ZMYM2: variants seen among roughly 807,000 people sequenced by gnomAD.
The protein encoded by ZMYM2 is zinc finger MYM-type containing 2.
In ZMYM2, 56 loss-of-function variants were observed where a neutral mutation model predicts 162.8. The observed-to-expected ratio is 0.34, with a 90% CI of 0.28 to 0.43. The LOEUF (loss-of-function observed/expected upper bound fraction) is 0.43. Ranked by LOEUF, ZMYM2 falls within the 20% of genes least tolerant of loss-of-function variation. ZMYM2 has a pLI of 1.00. For missense variants in ZMYM2, 1,275 were observed against 1,621.8 expected (o/e 0.79, Z 3.67); for synonymous variants, 510 against 541.6 (o/e 0.94, Z 0.81).
chr13:20,063,048 G>C, intron 18 of ZMYM2, 77 bp downstream of exon 18: 1 of 1,441,240 alleles, frequency 6.9e-7, no homozygotes. Context: ...TTTGATGTTT[G>C]TGTCATTGCC....
intron 2 of ZMYM2, among the ~76,000 whole-genome samples, chr13:19,992,775 G>C (rs1220302714): frequency 6.6e-6 from 1 of 151,756 alleles, no homozygotes; most frequent in Admixed American, 6.6e-5. Flanking sequence ...AGGAGGTGGT[G>C]GTGGTGGTAG....
At chr13:19,875,031 A>G in the ZMYM2 span, among the ~76,000 whole-genome samples, 1 of 152,246 alleles carries the variant, frequency 6.6e-6, no homozygotes, top group African/African-American at 2.4e-5. Flanking sequence ...AACTAAAAAT[A>G]GAATTGCCAC....
At chr13:19,904,077 C>T in the ZMYM2 span, among the ~76,000 whole-genome samples, 4 of 152,004 alleles carry the variant, frequency 2.6e-5, no homozygotes, top group African/African-American at 7.2e-5. Context: ...TTTGCCTTCC[C>T]ATTAAAAAGG....
At chr13:19,885,965 GTATACACATA>G in the ZMYM2 span, among the ~76,000 whole-genome samples, 2 of 91,290 alleles carry the variant, frequency 2.2e-5, 1 homozygote, top group African/African-American at 9.5e-5. Flanking sequence ...ATATATATGT[GTATACACATA>G]TATATGTATA....
chr13:20,066,786 T>G lies in ZMYM2; in HGVS notation c.3133-65T>G, dbSNP rs1593204710. ...AATTTGCCTTTGTTGAGAGATGGCT[T>G]GTATAAAGTAATGAAATAATGTAGG... On this transcript the variant is annotated intron_variant, in intron 19 of 24. Coordinates refer to ENST00000610343, the MANE Select transcript of ZMYM2 (RefSeq NM_197968.4). The G allele has an allele frequency of 2.1e-6, 3 of 1,397,048 alleles. No homozygotes were observed. In the East Asian group the frequency reaches 8.0e-5, roughly 37 times the overall value. 86.5% of individuals were successfully genotyped at this position (1,397,048 alleles called of 1,614,324 possible). A position where few individuals can be genotyped will look rare whatever the true frequency, so the allele number is the denominator to read the frequency against.
the ZMYM2 span, among the ~76,000 whole-genome samples, chr13:19,948,459 C>T: frequency 5.3e-5 from 8 of 152,120 alleles, no homozygotes; most frequent in East Asian, 1.9e-4. Context: ...TGAAAGGACA[C>T]GGAGGAAACT....
chr13:20,051,440 G>A lies in ZMYM2; in HGVS notation c.2300G>A (p.Arg767Lys). Residue 767 changes from arginine (R) to lysine (K), a missense_variant, in exon 13 of 25, where the codon AGG becomes AAG. This residue lies in a region of ZMYM2 where 177 missense variants were observed against 228.0 expected (regional missense o/e 0.78). Coordinates refer to ENST00000610343, the MANE Select transcript of ZMYM2 (RefSeq NM_197968.4). ...KFQDWYYKAA[R>K]CDCCKSQGTL... ...CTTCCTTTTTAAATTAAGGCTGCAA[G>A]GTGTGACTGTTGTAAATCTCAAGGA... 1 of 1,611,536 alleles carries A rather than the reference G, an allele frequency of 6.2e-7. No individual in the cohort carries two copies. Among genetic ancestry groups the A allele is most frequent in the Non-Finnish European group, 8.5e-7 (1 of 1,178,992 alleles).
chr13:20,073,291 A>G (rs1236051492), intron 21 of ZMYM2, among the ~76,000 whole-genome samples: 1 of 152,220 alleles, frequency 6.6e-6, no homozygotes, highest in African/African-American at 2.4e-5. Flanking sequence ...TAGGCCTTGC[A>G]GACCAAGAGG....
chr13:19,962,597 T>C (rs775545637), intron 2 of ZMYM2, among the ~76,000 whole-genome samples: 1 of 137,948 alleles, frequency 7.2e-6, no homozygotes, highest in Non-Finnish European at 1.5e-5. Flanking sequence ...TGATCTTGGC[T>C]CACTGCAACC....
chr13:19,962,283 T>C (rs933290834), intron 2 of ZMYM2, among the ~76,000 whole-genome samples: 1 of 151,968 alleles, frequency 6.6e-6, no homozygotes, highest in African/African-American at 2.4e-5. Flanking sequence ...AGTGAATCTT[T>C]ACCTTCAGTC....
At chr13:20,072,452 C>T (rs988807793) in intron 21 of ZMYM2, among the ~76,000 whole-genome samples, 5 of 152,098 alleles carry the variant, frequency 3.3e-5, no homozygotes, top group South Asian at 2.1e-4. Flanking sequence ...ACCTGGGAGG[C>T]GGAGGTTGCA....
chr13:19,895,094 A>G, the ZMYM2 span, among the ~76,000 whole-genome samples: 11 of 151,086 alleles, frequency 7.3e-5, no homozygotes, highest in African/African-American at 2.7e-4. Flanking sequence ...AAAAAAAAAA[A>G]AAAGAAAATT....
chr13:20,032,342 A>G (rs1266404364), intron 10 of ZMYM2, among the ~76,000 whole-genome samples: 1 of 149,350 alleles, frequency 6.7e-6, no homozygotes, highest in Non-Finnish European at 1.5e-5. Flanking sequence ...TACATGGCCA[A>G]GACTGCCCAG....
At chr13:19,981,293 A>G (rs544431398) in intron 2 of ZMYM2, among the ~76,000 whole-genome samples, 11 of 129,152 alleles carry the variant, frequency 8.5e-5, no homozygotes, top group African/African-American at 3.6e-4. Context: ...AAAACAAAAA[A>G]CAAACAAACA....
chr13:19,954,174 G>A (rs1387657279), upstream of ZMYM2, among the ~76,000 whole-genome samples: 3 of 105,168 alleles, frequency 2.9e-5, no homozygotes, highest in Admixed American at 1.5e-4. Context: ...TGTCGCCCAG[G>A]CTGGAGTGCG....
chr13:19,885,821 T>A, the ZMYM2 span, among the ~76,000 whole-genome samples: 1 of 140,930 alleles, frequency 7.1e-6, no homozygotes, highest in African/African-American at 2.6e-5. Flanking sequence ...CACTCCAGCC[T>A]GGGCAACAAG....
intron 2 of ZMYM2, chr13:19,965,325 T>G (rs1279168406): frequency 2.7e-6 from 3 of 1,110,844 alleles, no homozygotes; most frequent in Non-Finnish European, 3.6e-6. Flanking sequence ...TACTTAACAT[T>G]AAAAAATGAC....
rs137929093 is a variant in ZMYM2 at position 20,046,554 on chromosome 13, T to TAAA, written c.2293-4870_2293-4868dup. 4.5e-3 allele frequency among the ~76,000 whole-genome samples: 344 copies of TAAA among 76,390 alleles called. 4 individuals are homozygous for TAAA. Among genetic ancestry groups the TAAA allele is most frequent in the Middle Eastern group, 0.013 (2 of 154 alleles). 50.1% of individuals were successfully genotyped at this position (76,390 alleles called of 152,430 possible). On this transcript the variant is annotated intron_variant, in intron 12 of 24. Transcript: ENST00000610343. ...GGGGGACACAGTAAGACTTTGTCTC[T>TAAA]AAAAAAAAAAATATATATATATATA...
chr13:19,953,335 G>T, the ZMYM2 span, among the ~76,000 whole-genome samples: 2 of 152,258 alleles, frequency 1.3e-5, no homozygotes, highest in East Asian at 3.9e-4. Flanking sequence ...TGATAGGAAA[G>T]AATAAGTATT....
Sources: gnomAD v4.1 joint callset for allele counts (sites outside exome capture counted in the v4.1 genomes callset) on GRCh38, gnomAD v4.1.1 for gene constraint, gnomAD v4.1.1 regional missense constraint, MANE v1.5 for transcripts, NCBI Gene and HGNC (gene_info 2026-07-23, HGNC 2026-07-21) for gene names.